Variants in GRM7 observed in about 807,000 individuals in gnomAD.
The protein encoded by GRM7 is metabotropic glutamate receptor 7.
In GRM7, 35 loss-of-function variants were observed where a neutral mutation model predicts 84.5. The ratio of observed to expected loss-of-function variants is 0.41; its 90% confidence interval spans 0.32 to 0.55. The LOEUF (loss-of-function observed/expected upper bound fraction) is 0.55, where lower values mean the gene tolerates loss of function less well. Ranked by LOEUF, GRM7 falls within the 20% of genes least tolerant of loss-of-function variation. The pLI is 0.19. For synonymous variants in GRM7, 487 were observed against 455.1 expected (o/e 1.07, Z -0.89); for missense variants, 1,003 against 1,194.6 (o/e 0.84, Z 2.36).
chr3:7,720,625 G>C (rs990287160), intron 9 of GRM7, among the ~76,000 whole-genome samples: 3 of 152,208 alleles, frequency 2.0e-5, no homozygotes, highest in African/African-American at 7.2e-5. Flanking sequence ...AGCATTTGCA[G>C]CTTCCTGCAA....
chr3:7,405,993 T>C lies in GRM7; in HGVS notation c.1034-9030T>C, dbSNP rs150198090. Among the ~76,000 whole-genome samples, 516 of 151,822 alleles carry C rather than the reference T, an allele frequency of 3.4e-3. 4 individuals are homozygous for C. The highest frequency in any genetic ancestry group is 0.024 in the South Asian group (116 of 4,824). Reference sequence around the variant, plus strand: ...TGTAATATTATATATATAATGGTAATACTATCAAAGTATTTTTAACTTTTA... The same window carrying C: ...TGTAATATTATATATATAATGGTAACACTATCAAAGTATTTTTAACTTTTA... On this transcript the variant is annotated intron_variant, in intron 4 of 9. Transcript: ENST00000357716.
chr3:7,647,966 G>A (rs1221279358), intron 8 of GRM7, among the ~76,000 whole-genome samples: 1 of 152,098 alleles, frequency 6.6e-6, no homozygotes, highest in Non-Finnish European at 1.5e-5. Context: ...TTTTTACATA[G>A]CCCTACAAAC....
Position 7,740,355 on chromosome 3 carries a change from A to C in GRM7, c.2699-2A>C. The C allele has an allele frequency of 6.3e-7, 1 of 1,576,130 alleles. No homozygotes were observed. Among genetic ancestry groups the C allele is most frequent in the Non-Finnish European group, 8.7e-7 (1 of 1,151,060 alleles). ...ACTGACACTTTCTAATTTTTCTTTC[A>C]GGCCCTGCTGCAAAAAAGAAGTATG... On this transcript the variant is annotated splice_acceptor_variant, in intron 9 of 9. Transcript: ENST00000357716. LOFTEE classifies it high-confidence loss of function.
intron 8 of GRM7, among the ~76,000 whole-genome samples, chr3:7,676,586 GT>G (rs34844615): frequency 0.65 from 98,358 of 151,826 alleles, 33,263 homozygotes; most frequent in East Asian, 0.9. Flanking sequence ...AGCCTCCTGA[GT>G]TACTGGGATT....
At chr3:7,067,653 A>G (rs1314280305) in intron 1 of GRM7, among the ~76,000 whole-genome samples, 1 of 151,924 alleles carries the variant, frequency 6.6e-6, no homozygotes, top group East Asian at 1.9e-4. Flanking sequence ...GGGATACTAC[A>G]AACAAGGCTC....
chr3:7,701,400 A>AAT lies in GRM7; in HGVS notation c.2698+21105_2698+21106insAT, dbSNP rs1353901594. 3.3e-3 allele frequency among the ~76,000 whole-genome samples: 482 copies of AAT among 147,628 alleles called. 4 individuals carry two copies. The highest frequency in any genetic ancestry group is 0.011 in the African/African-American group (432 of 39,632). On this transcript the variant is annotated intron_variant, in intron 9 of 9. Transcript: ENST00000357716. ...ACTACAAGCTCCGTCTCCTGGGTTC[A>AAT]TGCCATTCTCCTGCCTCAGCCTCCT...
chr3:7,698,780 A>G (rs1194289752), intron 9 of GRM7, among the ~76,000 whole-genome samples: 2 of 152,160 alleles, frequency 1.3e-5, no homozygotes, highest in Admixed American at 6.5e-5. Flanking sequence ...TGAGGGCACA[A>G]TTACTCTCAG....
rs535182860 is a variant in GRM7, at chr3:7,570,599, G to A, written c.1516-7823G>A. On this transcript the variant is annotated intron_variant, in intron 7 of 9. Transcript: ENST00000357716. ...GCAGCTCCACCCCTGTGGCTTTGCA[G>A]GGCACAGCCTTCCTTCTGGCTGCTT... 2.0e-5 allele frequency among the ~76,000 whole-genome samples: 3 copies of A among 152,338 alleles called. No homozygotes were observed. In the East Asian group the frequency reaches 5.8e-4, roughly 29 times the overall value.
chr3:6,978,318 G>C (rs1694074762), intron 1 of GRM7, among the ~76,000 whole-genome samples: 1 of 152,126 alleles, frequency 6.6e-6, no homozygotes, highest in African/African-American at 2.4e-5. Flanking sequence ...AGAGATTCTG[G>C]AGGGAGTGAT....
chr3:7,056,438 C>T (rs1382443622), intron 1 of GRM7, among the ~76,000 whole-genome samples: 1 of 151,998 alleles, frequency 6.6e-6, no homozygotes, highest in African/African-American at 2.4e-5. Flanking sequence ...GTATATGCTT[C>T]TCACTCCGAG....
At chr3:7,260,538 A>G (rs1332837424) in intron 2 of GRM7, among the ~76,000 whole-genome samples, 1 of 152,166 alleles carries the variant, frequency 6.6e-6, no homozygotes, top group Non-Finnish European at 1.5e-5. Flanking sequence ...TTCTGGGGTC[A>G]GTAGTAACGT....
intron 7 of GRM7, among the ~76,000 whole-genome samples, chr3:7,500,155 C>T (rs1043433683): frequency 6.6e-6 from 1 of 152,152 alleles, no homozygotes; most frequent in African/African-American, 2.4e-5. Context: ...TTTTGACATA[C>T]CAGGTTAAGG....
At chr3:7,330,329 G>A (rs546446164) in intron 4 of GRM7, among the ~76,000 whole-genome samples, 1 of 152,256 alleles carries the variant, frequency 6.6e-6, no homozygotes, top group Non-Finnish European at 1.5e-5. Context: ...GTCCCTGGAA[G>A]AAAACCCATT....
At chr3:7,591,674 A>G (rs1695786407) in intron 8 of GRM7, among the ~76,000 whole-genome samples, 1 of 152,212 alleles carries the variant, frequency 6.6e-6, no homozygotes, top group Non-Finnish European at 1.5e-5. Context: ...GTTAAAAATG[A>G]TGGTGCAAAT....
At chr3:6,984,770 T>C (rs1694344280) in intron 1 of GRM7, among the ~76,000 whole-genome samples, 2 of 152,208 alleles carry the variant, frequency 1.3e-5, no homozygotes, top group Non-Finnish European at 2.9e-5. Context: ...GGTCAGAGTT[T>C]CCTGAAAAAT....
At chr3:7,185,777 T>C (rs951815624) in intron 2 of GRM7, among the ~76,000 whole-genome samples, 38 of 152,306 alleles carry the variant, frequency 2.5e-4, no homozygotes, top group African/African-American at 8.7e-4. Context: ...GAGGAGATTC[T>C]GGTACAGGTC....
chr3:7,733,650 C>G (rs1392471560), intron 9 of GRM7, among the ~76,000 whole-genome samples: 1 of 152,180 alleles, frequency 6.6e-6, no homozygotes, highest in African/African-American at 2.4e-5. Context: ...TTTACCCAGT[C>G]CCTATTCAAG....
chr3:7,445,052 G>A (rs1697448157), intron 5 of GRM7, among the ~76,000 whole-genome samples: 1 of 152,128 alleles, frequency 6.6e-6, no homozygotes, highest in Admixed American at 6.6e-5. Flanking sequence ...CTGGCCTTGT[G>A]TCAGTTGTTC....
intron 1 of GRM7, among the ~76,000 whole-genome samples, chr3:7,107,393 T>C (rs542250740): frequency 6.6e-6 from 1 of 152,170 alleles, no homozygotes; most frequent in African/African-American, 2.4e-5. Flanking sequence ...CATAAATCTA[T>C]TATATGGATG....
Sources: allele counts gnomAD v4.1 joint callset (sites outside exome capture counted in the v4.1 genomes callset), GRCh38; gene constraint gnomAD v4.1.1; transcripts MANE v1.5; gene names NCBI Gene and HGNC (gene_info 2026-07-23, HGNC 2026-07-21).